The following SMYD4 variants were observed in gnomAD, a reference collection of about 807,000 sequenced individuals.
The protein encoded by SMYD4 is SET and MYND domain containing 4, also known as protein-lysine N-methyltransferase SMYD4.
Under a neutral mutation model 72.8 loss-of-function variants are expected in SMYD4, and 68 were observed. The ratio of observed to expected loss-of-function variants is 0.93; its 90% CI spans 0.77 to 1.14. SMYD4 has a LOEUF of 1.14. Among genes scored for constraint, SMYD4 ranks in the 50% most tolerant of loss-of-function variants. SMYD4 has a pLI of 0.00. For synonymous variants in SMYD4, 407 were observed against 388.6 expected, an observed-to-expected ratio of 1.05 and a Z score of -0.56; for missense variants, 984 against 1,003.7, an observed-to-expected ratio of 0.98 and a Z score of 0.27.
rs1909636645 is a variant in SMYD4, at chr17:1,800,140, A to G, written c.1254T>C (p.Tyr418=). The part of the protein sequence containing the change: ...PIPGCDINGK[Y]ENNYNAVFNL... ...TGAAGACAGCATTATAATTATTTTC[A>G]TACTTCCCATTAATATCGCATCCAG... Residue 418 remains tyrosine (Y), a synonymous_variant, in exon 5 of 11, where the codon TAT becomes TAC. Coordinates refer to ENST00000305513, the MANE Select transcript of SMYD4 (RefSeq NM_052928.3). The G allele has an allele frequency of 1.2e-6, 2 of 1,610,762 alleles. No individual in the cohort carries two copies. The highest frequency in any genetic ancestry group is 1.7e-6 in the Non-Finnish European group (2 of 1,178,142).
At chr17:1,817,181 G>C (rs1041473264) in intron 2 of SMYD4, among the ~76,000 whole-genome samples, 4 of 151,960 alleles carry the variant, frequency 2.6e-5, no homozygotes, top group African/African-American at 9.7e-5. Flanking sequence ...GGGATTACAG[G>C]CACGCACCAC....
chr17:1,801,756 C>T (rs1312881547), intron 4 of SMYD4, among the ~76,000 whole-genome samples: 1 of 151,026 alleles, frequency 6.6e-6, no homozygotes. Context: ...GCGAGCAGAT[C>T]ACGAGGTCAG....
chr17:1,812,253 AT>A, intron 2 of SMYD4, 138 bp from the exon 3 acceptor site: 1 of 1,022,978 alleles, frequency 9.8e-7, no homozygotes, highest in Non-Finnish European at 1.4e-6. Context: ...GTGCAATGTG[AT>A]TAGAGGAAAG....
intron 1 of SMYD4, chr17:1,829,475 G>A (rs1195195924): frequency 1.3e-5 from 2 of 152,234 alleles, no homozygotes; most frequent in African/African-American, 4.8e-5. Flanking sequence ...CCTGTACCAC[G>A]TCTACCTGGA....
chr17:1,809,619 C>A (rs1441699274), intron 3 of SMYD4, among the ~76,000 whole-genome samples: 1 of 151,246 alleles, frequency 6.6e-6, no homozygotes, highest in Non-Finnish European at 1.5e-5. Context: ...TTGTGATCCA[C>A]CCGCCTCGGC....
intron 1 of SMYD4, 157 bp downstream of exon 1, chr17:1,829,569 G>A (rs1188608326): frequency 1.3e-5 from 2 of 151,784 alleles, no homozygotes; most frequent in African/African-American, 4.9e-5. Flanking sequence ...CCCTTTCGGA[G>A]ACCCCCCACC....
chr17:1,791,692 A>G (rs1407804509), intron 5 of SMYD4, among the ~76,000 whole-genome samples: 1 of 152,166 alleles, frequency 6.6e-6, no homozygotes, highest in African/African-American at 2.4e-5. Context: ...TTCATAGAAA[A>G]GTACTCTTAT....
At position 1,781,260 on chromosome 17, in the gene SMYD4, C is replaced by A. The variant is rs769617766; in HGVS notation, c.*26G>T. 6.2e-7 allele frequency: 1 copy of A among 1,602,516 alleles called. No individual in the cohort carries two copies. The highest frequency in any genetic ancestry group is 1.8e-5 in the Admixed American group (1 of 57,046). ...AACTTGTGTTCCATGGGCTCCTTTT[C>A]TGTGGGTCAAAATCCTCCTGGAACC... is the stretch of plus-strand genomic sequence containing the variant. On this transcript the variant is annotated 3_prime_UTR_variant, in exon 11 of 11. Coordinates refer to ENST00000305513, the MANE Select transcript of SMYD4 (RefSeq NM_052928.3).
intron 9 of SMYD4, 68 bp downstream of exon 9, chr17:1,783,292 G>A: frequency 1.2e-6 from 2 of 1,610,456 alleles, no homozygotes; most frequent in East Asian, 2.2e-5. Context: ...GGCAGACAAG[G>A]CCGGGGCCAC....
At chr17:1,798,648 A>G (rs979555996) in intron 5 of SMYD4, among the ~76,000 whole-genome samples, 1 of 152,140 alleles carries the variant, frequency 6.6e-6, no homozygotes. Context: ...CTGTAATCTC[A>G]GCATTTTGGG....
chr17:1,826,853 T>C (rs1293772425), intron 2 of SMYD4, among the ~76,000 whole-genome samples: 2 of 152,136 alleles, frequency 1.3e-5, no homozygotes, highest in African/African-American at 4.8e-5. Flanking sequence ...TATTTTTGTC[T>C]ATAGAAAGAC....
intron 5 of SMYD4, among the ~76,000 whole-genome samples, chr17:1,797,781 C>G (rs539421519): frequency 2.8e-4 from 43 of 152,274 alleles, no homozygotes; most frequent in African/African-American, 9.4e-4. Flanking sequence ...GTGGGTGGCT[C>G]ACCTGAGGTC....
At chr17:1,801,278 G>A (rs996613300) in intron 4 of SMYD4, among the ~76,000 whole-genome samples, 3 of 151,690 alleles carry the variant, frequency 2.0e-5, no homozygotes, top group Admixed American at 6.6e-5. Context: ...TCGCTCTGTC[G>A]CCCAGGCTGG....
chr17:1,784,533 G>A (rs975313677), intron 7 of SMYD4, 72 bp from the exon 8 acceptor site: 1 of 1,588,152 alleles, frequency 6.3e-7, no homozygotes, highest in Non-Finnish European at 8.6e-7. Flanking sequence ...TTACATTACA[G>A]GACTGCTCCA....
At chr17:1,790,060 T>A (rs1009269172) in intron 5 of SMYD4, among the ~76,000 whole-genome samples, 2 of 152,208 alleles carry the variant, frequency 1.3e-5, no homozygotes, top group African/African-American at 2.4e-5. Flanking sequence ...AAAAGGCAGG[T>A]GGCAGGAAGG....
intron 2 of SMYD4, among the ~76,000 whole-genome samples, chr17:1,819,144 G>A: frequency 6.6e-6 from 1 of 151,698 alleles, no homozygotes; most frequent in Admixed American, 6.6e-5. Context: ...ATCACCTGAG[G>A]TCAGGAGTTC....
In SMYD4 at chr17:1,781,240, G is replaced by C; in HGVS notation, c.*46C>G. 1.9e-6 allele frequency: 3 copies of C among 1,590,332 alleles called. No individual in the cohort carries two copies. The highest frequency in any genetic ancestry group is 8.5e-7 in the Non-Finnish European group (1 of 1,171,350). Reference sequence around the variant, plus strand: ...CTGGCCAGCAAAACCTCTTTAACTTGTGTTCCATGGGCTCCTTTTCTGTGG... The same window carrying C: ...CTGGCCAGCAAAACCTCTTTAACTTCTGTTCCATGGGCTCCTTTTCTGTGG... On this transcript the variant is annotated 3_prime_UTR_variant, in exon 11 of 11. Coordinates refer to ENST00000305513, the MANE Select transcript of SMYD4 (RefSeq NM_052928.3).
Position 1,800,039 on chromosome 17 carries a change from C to T in SMYD4, c.1355G>A (p.Arg452Lys), listed in dbSNP as rs1909628365. 1 of 1,614,082 alleles carries T rather than the reference C, an allele frequency of 6.2e-7. No individual in the cohort carries two copies. The highest frequency in any genetic ancestry group is 8.5e-7 in the Non-Finnish European group (1 of 1,179,954). The change falls in exon 5 of 11, where the codon AGA (arginine) becomes AAA (lysine). Residue 452 changes from arginine (R) to lysine (K), a missense_variant. By Grantham distance (26) the Arg-to-Lys change is conservative (BLOSUM62 2). Transcript: ENST00000305513. Reference sequence around the variant, plus strand: ...CTGTAAACTGGCTGCTTCTAGCTGTCTGCACAGTGCAGAAACACAGAGAGC... The same window carrying T: ...CTGTAAACTGGCTGCTTCTAGCTGTTTGCACAGTGCAGAAACACAGAGAGC... ...LCALCVSALC[R>K]QLEAASLQAI...
At chr17:1,803,159 C>CAA (rs767344694) in intron 4 of SMYD4, among the ~76,000 whole-genome samples, 6 of 152,098 alleles carry the variant, frequency 3.9e-5, no homozygotes, top group Non-Finnish European at 7.4e-5. Context: ...CAAAACAAAA[C>CAA]AAAACAAAAA....
Sources: allele counts gnomAD v4.1 joint callset (sites outside exome capture counted in the v4.1 genomes callset), GRCh38; gene constraint gnomAD v4.1.1; transcripts MANE v1.5; gene names NCBI Gene and HGNC (gene_info 2026-07-23, HGNC 2026-07-21).